The following RTN4RL1 variants were observed in gnomAD, a reference collection of about 807,000 sequenced individuals.
The protein encoded by RTN4RL1 is reticulon 4 receptor like 1.
A neutral mutation model predicts 25.6 loss-of-function variants in RTN4RL1; 7 were observed. That is an observed-to-expected ratio of 0.27 (90% confidence interval 0.16 to 0.51). The LOEUF (loss-of-function observed/expected upper bound fraction) is 0.51. Among genes scored for constraint, RTN4RL1 ranks in the 20% least tolerant of loss-of-function variants. The pLI, the probability that RTN4RL1 is intolerant of heterozygous loss-of-function variation, is 0.97. For synonymous variants in RTN4RL1, 297 were observed against 288.2 expected (o/e 1.03, Z -0.31); for missense variants, 500 against 615.6 (o/e 0.81, Z 1.99).
intron 1 of RTN4RL1, among the ~76,000 whole-genome samples, chr17:2,010,977 C>T (rs753006819): frequency 1.1e-4 from 16 of 152,156 alleles, no homozygotes; most frequent in East Asian, 1.9e-4. Context: ...GTCGGCCGGG[C>T]GCGGTAGCTC....
At chr17:1,939,931 G>C (rs1277449535) in intron 1 of RTN4RL1, among the ~76,000 whole-genome samples, 4 of 152,152 alleles carry the variant, frequency 2.6e-5, no homozygotes, top group African/African-American at 9.7e-5. Flanking sequence ...GGGAGAGCCG[G>C]GGCACCCAGG....
In RTN4RL1 at chr17:1,943,993, A is replaced by G. The variant is rs139514262; in HGVS notation, c.14-6185T>C. On this transcript the variant is annotated intron_variant, in intron 1 of 1. Coordinates refer to ENST00000331238, the MANE Select transcript of RTN4RL1 (RefSeq NM_178568.4). ...TGGGCAGGAGTGCAGTGGCACAATCATAGCTCACTGCAACCTCAACCTCCT... is the reference window on the plus strand; with the variant it reads ...TGGGCAGGAGTGCAGTGGCACAATCGTAGCTCACTGCAACCTCAACCTCCT... Among the ~76,000 whole-genome samples, 794 of 151,860 alleles carry G rather than the reference A, an allele frequency of 5.2e-3. 10 individuals carry two copies. The highest frequency in any genetic ancestry group is 0.018 in the African/African-American group (748 of 41,420).
At chr17:2,015,439 G>T (rs1374893345) in intron 1 of RTN4RL1, among the ~76,000 whole-genome samples, 1 of 152,146 alleles carries the variant, frequency 6.6e-6, no homozygotes, top group Non-Finnish European at 1.5e-5. Context: ...AGCCACGGCC[G>T]TGCTGAAAGC....
intron 1 of RTN4RL1, among the ~76,000 whole-genome samples, chr17:1,990,282 G>A (rs928036494): frequency 2.0e-5 from 3 of 151,970 alleles, no homozygotes; most frequent in Non-Finnish European, 2.9e-5. Context: ...CAGGAGAATC[G>A]CTTGAATCTG....
chr17:1,963,614 G>T (rs2066775650), intron 1 of RTN4RL1, among the ~76,000 whole-genome samples: 1 of 152,228 alleles, frequency 6.6e-6, no homozygotes, highest in African/African-American at 2.4e-5. Flanking sequence ...AGCGGATTTT[G>T]AGGTGAGAAG....
chr17:1,936,164 G>A lies in RTN4RL1; in HGVS notation c.*332C>T, dbSNP rs578222280. On this transcript the variant is annotated 3_prime_UTR_variant, in exon 2 of 2. Transcript: ENST00000331238. Reference sequence around the variant, plus strand: ...AACGATCGGGATTCCACAGAGCCCCGGTGCCGCCGTCGGGGGCAATTGTCC... The same window carrying A: ...AACGATCGGGATTCCACAGAGCCCCAGTGCCGCCGTCGGGGGCAATTGTCC... The A allele has an allele frequency of 1.1e-4, 123 of 1,130,490 alleles. 1 individual carries two copies. The African/African-American group carries it at 1.2e-3, about 11-fold the overall frequency. 70.0% of individuals were successfully genotyped at this position (1,130,490 alleles called of 1,614,324 possible).
intron 1 of RTN4RL1, among the ~76,000 whole-genome samples, chr17:1,950,107 G>A (rs1915642161): frequency 2.0e-5 from 3 of 152,198 alleles, no homozygotes; most frequent in Admixed American, 6.5e-5. Context: ...GCCCGGGGCG[G>A]GAGCAACAGG....
At chr17:2,000,392 G>A (rs2066951662) in intron 1 of RTN4RL1, among the ~76,000 whole-genome samples, 1 of 152,144 alleles carries the variant, frequency 6.6e-6, no homozygotes, top group South Asian at 2.1e-4. Context: ...CTGCCGCCCA[G>A]GCTGGAGTGC....
chr17:1,941,268 G>C (rs1219953229), intron 1 of RTN4RL1, among the ~76,000 whole-genome samples: 1 of 152,212 alleles, frequency 6.6e-6, no homozygotes, highest in Non-Finnish European at 1.5e-5. Flanking sequence ...CAGGAAACAG[G>C]GGACACCAGG....
At chr17:1,963,755 C>T (rs908697678) in intron 1 of RTN4RL1, among the ~76,000 whole-genome samples, 5 of 151,990 alleles carry the variant, frequency 3.3e-5, no homozygotes, top group Non-Finnish European at 5.9e-5. Context: ...TTTTTTGAGA[C>T]AGTTTCGCTC....
chr17:1,971,688 C>A (rs1261114095), intron 1 of RTN4RL1, among the ~76,000 whole-genome samples: 1 of 151,754 alleles, frequency 6.6e-6, no homozygotes, highest in Non-Finnish European at 1.5e-5. Flanking sequence ...TTAGGCCAGG[C>A]ACGGTGGCTC....
At chr17:2,011,412 C>T (rs2067048227) in intron 1 of RTN4RL1, among the ~76,000 whole-genome samples, 2 of 152,152 alleles carry the variant, frequency 1.3e-5, no homozygotes, top group African/African-American at 2.4e-5. Flanking sequence ...AGTCATGACA[C>T]GGCTGGCTCC....
chr17:1,989,240 C>T (rs1223618270), intron 1 of RTN4RL1, among the ~76,000 whole-genome samples: 2 of 151,814 alleles, frequency 1.3e-5, no homozygotes, highest in East Asian at 1.9e-4. Context: ...TGGAAGATGA[C>T]GAGGGAGAGG....
intron 1 of RTN4RL1, among the ~76,000 whole-genome samples, chr17:2,005,765 C>CTCTT (rs1555520910): frequency 7.0e-6 from 1 of 143,782 alleles, no homozygotes; most frequent in Non-Finnish European, 1.5e-5. Context: ...CTCTCTCTCT[C>CTCTT]CTTCTCTTTC....
chr17:1,958,261 ATTGCCGTGGCATCCGACCGTGGGAG>A, intron 1 of RTN4RL1, among the ~76,000 whole-genome samples: 1 of 152,212 alleles, frequency 6.6e-6, no homozygotes, highest in East Asian at 1.9e-4. Context: ...TTCAAACAAG[ATTGCCGTGGCATCCGACCGTGGGAG>A]GAGACATCTC....
chr17:1,985,395 C>T (rs1489434170), intron 1 of RTN4RL1, among the ~76,000 whole-genome samples: 1 of 152,226 alleles, frequency 6.6e-6, no homozygotes, highest in Non-Finnish European at 1.5e-5. Flanking sequence ...TCGCAAGCCG[C>T]CTGGCAGATG....
At position 1,934,813 on chromosome 17, in the gene RTN4RL1, G is replaced by A. The variant is rs12940890; in HGVS notation, c.*1683C>T. 0.097 allele frequency: 14,744 copies of A among 152,610 alleles called. 779 individuals are homozygous for A. The highest frequency in any genetic ancestry group is 0.14 in the South Asian group (696 of 4,820). 9.5% of individuals were successfully genotyped at this position (152,610 alleles called of 1,614,324 possible). A position where few individuals can be genotyped will look rare whatever the true frequency, so the allele number is the denominator to read the frequency against. ...GCACAAAGGAGCTTGTACCCACCTG[G>A]GCCCCCGGCCAGCAGCACGGCCGGC... On this transcript the variant is annotated 3_prime_UTR_variant, in exon 2 of 2. Transcript: ENST00000331238. This position sits in a 1 kb window ranked among gnomAD's most constrained non-coding sequence, Gnocchi z 4.0.
intron 1 of RTN4RL1, among the ~76,000 whole-genome samples, chr17:1,971,739 G>A (rs2066820094): frequency 6.6e-6 from 1 of 151,910 alleles, no homozygotes; most frequent in Admixed American, 6.6e-5. Flanking sequence ...GAGGCGGGTG[G>A]ATCACGAGGT....
chr17:1,951,508 G>A (rs1261705240), intron 1 of RTN4RL1, among the ~76,000 whole-genome samples: 1 of 151,776 alleles, frequency 6.6e-6, no homozygotes, highest in Admixed American at 6.6e-5. Context: ...CTGGAGTGCA[G>A]TGGTGCGATC....
Sources: gnomAD v4.1 joint callset for allele counts (sites outside exome capture counted in the v4.1 genomes callset) on GRCh38, gnomAD v4.1.1 for gene constraint, Gnocchi (gnomAD v3.1) non-coding constraint, MANE v1.5 for transcripts, NCBI Gene and HGNC (gene_info 2026-07-23, HGNC 2026-07-21) for gene names.